Variants in SPDYE4 observed in about 807,000 individuals in gnomAD.
The protein encoded by SPDYE4 is speedy protein E4.
In SPDYE4, 30 loss-of-function variants were observed where a neutral mutation model predicts 37.5. That is an observed-to-expected ratio of 0.80 (90% CI 0.60 to 1.09). SPDYE4 has a LOEUF of 1.09. Among genes scored for constraint, SPDYE4 ranks in the 50% least tolerant of loss-of-function variants. The pLI, the probability that SPDYE4 is intolerant of heterozygous loss-of-function variation, is 0.00. For missense variants in SPDYE4, 300 were observed against 307.9 expected (o/e 0.97, Z 0.19); for synonymous variants, 131 against 120.3 (o/e 1.09, Z -0.58).
At chr17:8,755,371 T>C in intron 4 of SPDYE4, 149 bp downstream of exon 4, 3 of 1,012,370 alleles carry the variant, frequency 3.0e-6, no homozygotes, top group South Asian at 3.6e-5. Flanking sequence ...AAGAACAGAC[T>C]AAGAACACCA....
chr17:8,748,074 A>G (rs1240779217), downstream of SPDYE4, among the ~76,000 whole-genome samples: 3 of 152,220 alleles, frequency 2.0e-5, no homozygotes, highest in African/African-American at 7.2e-5. Flanking sequence ...AGCTGCCACA[A>G]TTCAATTACC....
chr17:8,753,620 T>C, intron 4 of SPDYE4, 131 bp from the exon 5 acceptor site: 1 of 1,116,090 alleles, frequency 9.0e-7, no homozygotes. Flanking sequence ...CAGAGAGCCC[T>C]GCCTTCCTCA....
At chr17:8,755,293 A>C in intron 4 of SPDYE4, 1 of 503,688 alleles carries the variant, frequency 2.0e-6, no homozygotes, top group Non-Finnish European at 3.2e-6. Context: ...CTTTCCCCTT[A>C]GGACGGGTTT....
rs1222166757 is a variant in SPDYE4 at position 8,752,250 on chromosome 17, G to A, written c.*45-13C>T. ...TGGGCCCAGTGTTCTGGAAGTGAGAGAGAGGATGTCACACTTCAAGGAGGG... is the reference window on the plus strand; with the variant it reads ...TGGGCCCAGTGTTCTGGAAGTGAGAAAGAGGATGTCACACTTCAAGGAGGG... On this transcript the variant is annotated splice_polypyrimidine_tract_variant and intron_variant, in intron 6 of 6. Transcript: ENST00000689094. Among the ~76,000 whole-genome samples, 3 of 152,190 alleles carry A rather than the reference G, an allele frequency of 2.0e-5. No individual in the cohort carries two copies. In the East Asian group the frequency reaches 5.8e-4, roughly 29 times the overall value.
chr17:8,755,465 G>A lies in SPDYE4; in HGVS notation c.485+55C>T, dbSNP rs186129667. ...AGATGGAAGGTTGGAATCCCACTTCGTCCACTGTCCCAGGGTGTTGGATAT... is the reference window on the plus strand; with the variant it reads ...AGATGGAAGGTTGGAATCCCACTTCATCCACTGTCCCAGGGTGTTGGATAT... On this transcript the variant is annotated intron_variant, in intron 4 of 6. Coordinates refer to ENST00000689094, the MANE Select transcript of SPDYE4 (RefSeq NM_001394956.1). The A allele has an allele frequency of 6.5e-5, 102 of 1,570,176 alleles. 1 individual carries two copies. In the African/African-American group the frequency reaches 1.0e-3, roughly 16 times the overall value.
At position 8,757,341 on chromosome 17, in the gene SPDYE4, A is replaced by G. The variant is rs766524966; in HGVS notation, c.261T>C (p.Cys87=). The G allele has an allele frequency of 6.9e-6, 11 of 1,600,828 alleles. No homozygotes were observed. Among genetic ancestry groups the G allele is most frequent in the Non-Finnish European group, 9.4e-6 (11 of 1,173,452 alleles). Reference sequence around the variant, plus strand: ...TTCGCTTCAGCTTCATCTTGAGCCCACACAGCGTCTCCACCACCCAGGTGT... The same window carrying G: ...TTCGCTTCAGCTTCATCTTGAGCCCGCACAGCGTCTCCACCACCCAGGTGT... ...PEDTWVVETL[C]GLKMKLKRKR... Residue 87 remains cysteine, a synonymous_variant, in exon 2 of 7, where the codon TGT becomes TGC. Coordinates refer to ENST00000689094, the MANE Select transcript of SPDYE4 (RefSeq NM_001394956.1).
At chr17:8,754,865 T>A (rs1328220372) in intron 4 of SPDYE4, among the ~76,000 whole-genome samples, 1 of 152,042 alleles carries the variant, frequency 6.6e-6, no homozygotes, top group Non-Finnish European at 1.5e-5. Flanking sequence ...GGAGGGCATT[T>A]GGAAGGAGTG....
downstream of SPDYE4, among the ~76,000 whole-genome samples, chr17:8,749,260 G>A (rs1317845899): frequency 1.8e-5 from 2 of 109,846 alleles, no homozygotes; most frequent in Non-Finnish European, 3.9e-5. Flanking sequence ...ACCTGGCTAA[G>A]TTTCGTATTT....
intron 6 of SPDYE4, among the ~76,000 whole-genome samples, chr17:8,752,669 C>T (rs139464257): frequency 6.6e-6 from 1 of 152,246 alleles, no homozygotes; most frequent in East Asian, 1.9e-4. Flanking sequence ...CTTAATCTCT[C>T]ATGTTTTAGT....
chr17:8,753,029 T>G, intron 6 of SPDYE4, 65 bp downstream of exon 6: 17 of 1,333,184 alleles, frequency 1.3e-5, no homozygotes, highest in East Asian at 2.5e-5. Context: ...ATCAAGCAGT[T>G]GAGTTCCTTG....
rs1366738507 is a variant in SPDYE4, at chr17:8,751,233, T to C, written c.*1049A>G. 6.6e-6 allele frequency among the ~76,000 whole-genome samples: 1 copy of C among 152,182 alleles called. No individual in the cohort carries two copies. Among genetic ancestry groups the C allele is most frequent in the Non-Finnish European group, 1.5e-5 (1 of 68,024 alleles). On this transcript the variant is annotated 3_prime_UTR_variant, in exon 7 of 7. Transcript: ENST00000689094. The stretch of plus-strand genomic sequence containing the variant: ...CCTCTCTTAAAAATGAAAACAGAAT[T>C]ATATCTATGTGTATATAACAGGTGT...
intron 1 of SPDYE4, among the ~76,000 whole-genome samples, chr17:8,758,012 A>C (rs1248317940): frequency 2.2e-4 from 33 of 151,690 alleles, no homozygotes; most frequent in Admixed American, 2.2e-3. Flanking sequence ...CGATCTTCTG[A>C]CCTCGTGATC....
rs575306333 is a variant in SPDYE4 at position 8,751,865 on chromosome 17, C to T, written c.*417G>A. The stretch of plus-strand genomic sequence containing the variant: ...TAATTTCATATTTTACAAAGAATTC[C>T]GTAACAATCTGAGTGCCTGCGCTGT... On this transcript the variant is annotated 3_prime_UTR_variant, in exon 7 of 7. Transcript: ENST00000689094. Among the ~76,000 whole-genome samples the T allele has an allele frequency of 2.0e-5, 3 of 152,242 alleles. No individual in the cohort carries two copies. The South Asian group carries it at 6.2e-4, about 32-fold the overall frequency.
chr17:8,753,557 C>T, intron 4 of SPDYE4, 68 bp from the exon 5 acceptor site: 1 of 1,576,358 alleles, frequency 6.3e-7, no homozygotes, highest in Non-Finnish European at 8.6e-7. Context: ...AGGGCAGCCT[C>T]TCAGAGAGGA....
chr17:8,750,177 T>A (rs150243294), downstream of SPDYE4, among the ~76,000 whole-genome samples: 536 of 151,820 alleles, frequency 3.5e-3, 6 homozygotes, highest in African/African-American at 8.5e-3. Context: ...CCACCTGAGG[T>A]CAAGAGTTGG....
chr17:8,757,766 GCTCTCT>G (rs61587336), intron 1 of SPDYE4, among the ~76,000 whole-genome samples: 40 of 143,832 alleles, frequency 2.8e-4, no homozygotes, highest in South Asian at 1.8e-3. Flanking sequence ...AGCTCTGTCT[GCTCTCT>G]CTCTCTCTCT....
chr17:8,758,002 C>T (rs987973711), intron 1 of SPDYE4, among the ~76,000 whole-genome samples: 2 of 152,006 alleles, frequency 1.3e-5, no homozygotes, highest in East Asian at 1.9e-4. Flanking sequence ...AGGATGGTCT[C>T]GATCTTCTGA....
chr17:8,757,520 C>T, intron 1 of SPDYE4, 28 bp from the exon 2 acceptor site: 1 of 1,602,902 alleles, frequency 6.2e-7, no homozygotes, highest in Non-Finnish European at 8.5e-7. Context: ...GCCATGGTGT[C>T]ATGTTTCTGC....
downstream of SPDYE4, among the ~76,000 whole-genome samples, chr17:8,750,292 G>A (rs938063439): frequency 6.6e-6 from 1 of 152,168 alleles, no homozygotes; most frequent in African/African-American, 2.4e-5. Flanking sequence ...AGGAGGCTGA[G>A]ACAAGAGAAT....
Sources: gnomAD v4.1 joint callset for allele counts (sites outside exome capture counted in the v4.1 genomes callset) on GRCh38, gnomAD v4.1.1 for gene constraint, MANE v1.5 for transcripts, NCBI Gene and HGNC (gene_info 2026-07-23, HGNC 2026-07-21) for gene names.